The following SAMD12 variants were observed in gnomAD, a reference collection of about 807,000 sequenced individuals.
SAMD12 encodes sterile alpha motif domain containing 12.
In SAMD12, 9 loss-of-function variants were observed where a neutral mutation model predicts 15.0. That is an observed-to-expected ratio of 0.60 (90% CI 0.36 to 1.05). The LOEUF (loss-of-function observed/expected upper bound fraction) is 1.05, where lower values mean the gene tolerates loss of function less well. Ranked by LOEUF, SAMD12 falls within the 50% of genes least tolerant of loss-of-function variation. The probability of loss-of-function intolerance (pLI) is 0.01; values close to 1 mark genes in which losing one functional copy is unlikely to be tolerated. For synonymous variants in SAMD12, 86 were observed against 90.1 expected (o/e 0.96, Z 0.25); for missense variants, 230 against 234.2 (o/e 0.98, Z 0.12).
intron 3 of SAMD12, among the ~76,000 whole-genome samples, chr8:118,418,814 A>G (rs905503518): frequency 1.3e-5 from 2 of 152,196 alleles, no homozygotes; most frequent in African/African-American, 2.4e-5. Flanking sequence ...TTGCCACTAT[A>G]GCATCCAATA....
At chr8:118,319,103 C>T (rs1196945029) in intron 4 of SAMD12, among the ~76,000 whole-genome samples, 1 of 152,128 alleles carries the variant, frequency 6.6e-6, no homozygotes, top group Admixed American at 6.5e-5. Flanking sequence ...TGCTGGAATA[C>T]TATGAGTATA....
chr8:118,497,735 G>T (rs1438758850), intron 2 of SAMD12, among the ~76,000 whole-genome samples: 1 of 103,220 alleles, frequency 9.7e-6, no homozygotes, highest in African/African-American at 4.3e-5. Flanking sequence ...GGGGGGGGTG[G>T]GGGGAAAGAA....
intron 4 of SAMD12, among the ~76,000 whole-genome samples, chr8:118,318,105 G>A (rs1474500889): frequency 2.6e-5 from 4 of 151,772 alleles, no homozygotes; most frequent in Admixed American, 6.6e-5. Flanking sequence ...TGGTGCGAAT[G>A]TAATTTACTA....
At chr8:118,150,088 T>C in the SAMD12 span, among the ~76,000 whole-genome samples, 6 of 152,208 alleles carry the variant, frequency 3.9e-5, no homozygotes, top group African/African-American at 1.4e-4. Flanking sequence ...GAGGTGCTAC[T>C]GCGATATGGT....
At chr8:118,388,145 T>C (rs1406475169) in intron 3 of SAMD12, among the ~76,000 whole-genome samples, 3 of 152,180 alleles carry the variant, frequency 2.0e-5, no homozygotes, top group East Asian at 1.9e-4. Context: ...GGGAACAGCA[T>C]AGGCAAAGAT....
At chr8:118,352,705 C>T (rs1232931771) in intron 4 of SAMD12, among the ~76,000 whole-genome samples, 1 of 152,186 alleles carries the variant, frequency 6.6e-6, no homozygotes, top group African/African-American at 2.4e-5. Context: ...GGCCACTCTC[C>T]AGTACCTCAC....
chr8:118,585,495 C>T (rs1404885352), intron 1 of SAMD12, among the ~76,000 whole-genome samples: 2 of 152,254 alleles, frequency 1.3e-5, no homozygotes, highest in South Asian at 2.1e-4. Flanking sequence ...AACCCCACTC[C>T]CTCTCATTTT....
intron 3 of SAMD12, among the ~76,000 whole-genome samples, chr8:118,410,744 G>T (rs1439464702): frequency 6.6e-6 from 1 of 152,184 alleles, no homozygotes; most frequent in African/African-American, 2.4e-5. Flanking sequence ...AGGTTCAGAA[G>T]AATCACTCAG....
chr8:118,510,377 G>A (rs1252536349), intron 2 of SAMD12, among the ~76,000 whole-genome samples: 1 of 151,978 alleles, frequency 6.6e-6, no homozygotes, highest in African/African-American at 2.4e-5. Context: ...GAAACAAGGA[G>A]GTATTTCATT....
chr8:118,400,212 C>G (rs7828844), intron 3 of SAMD12: 3 of 152,054 alleles, frequency 2.0e-5, no homozygotes, highest in African/African-American at 7.2e-5. Context: ...GTGATAAGTG[C>G]TCGACACGAA....
intron 1 of SAMD12, among the ~76,000 whole-genome samples, chr8:118,616,420 T>C (rs1242255843): frequency 6.6e-6 from 1 of 152,192 alleles, no homozygotes; most frequent in Admixed American, 6.5e-5. Flanking sequence ...ACATTCATAA[T>C]GATGTTCCCA....
intron 2 of SAMD12, among the ~76,000 whole-genome samples, chr8:118,554,174 C>T (rs1377048836): frequency 6.6e-6 from 1 of 152,148 alleles, no homozygotes; most frequent in Non-Finnish European, 1.5e-5. Context: ...CCAGACATCC[C>T]ATTACTGGGT....
intron 2 of SAMD12, among the ~76,000 whole-genome samples, chr8:118,494,745 T>C (rs770568567): frequency 1.3e-5 from 2 of 152,218 alleles, no homozygotes; most frequent in East Asian, 1.9e-4. Context: ...CATCTCCTTA[T>C]CTTTTAATTC....
intron 2 of SAMD12, among the ~76,000 whole-genome samples, chr8:118,548,687 G>A (rs1190624340): frequency 6.6e-6 from 1 of 152,236 alleles, no homozygotes; most frequent in Non-Finnish European, 1.5e-5. Flanking sequence ...AGGTCAGTGG[G>A]TGCAGCGCAC....
chr8:118,349,465 G>A (rs1433299686), intron 4 of SAMD12, among the ~76,000 whole-genome samples: 1 of 152,202 alleles, frequency 6.6e-6, no homozygotes, highest in East Asian at 1.9e-4. Flanking sequence ...TTGGTTTGCT[G>A]TCTCCTTGAG....
intron 4 of SAMD12, among the ~76,000 whole-genome samples, chr8:118,211,190 G>A (rs1447804854): frequency 6.6e-6 from 1 of 152,188 alleles, no homozygotes; most frequent in Non-Finnish European, 1.5e-5. Flanking sequence ...GAAACTTCAC[G>A]TGGGAAGGGA....
chr8:118,398,852 A>T (rs12543387), intron 3 of SAMD12, among the ~76,000 whole-genome samples: 4 of 152,000 alleles, frequency 2.6e-5, no homozygotes, highest in Admixed American at 6.6e-5. Context: ...ATTGTGTATC[A>T]GTTATACTTC....
Position 118,580,791 on chromosome 8 carries a change from T to G in SAMD12, c.116A>C (p.Lys39Thr), listed in dbSNP as rs200682792. The G allele has an allele frequency of 3.7e-5, 60 of 1,613,390 alleles. No homozygotes were observed. In the East Asian group the frequency reaches 1.3e-3, roughly 36 times the overall value. Residue 39 changes from lysine (K) to threonine (T), a missense_variant, in exon 2 of 4, where the codon AAA becomes ACA. By Grantham distance (78) the Lys-to-Thr change is moderately conservative. Transcript: ENST00000314727. ...AGGCACCTTCTGGAAATTTTTATTTTTAATGGATTGAGATTCCACACCTTC... is the reference window on the plus strand; with the variant it reads ...AGGCACCTTCTGGAAATTTTTATTTGTAATGGATTGAGATTCCACACCTTC... Reference protein sequence around the residue: ...EGEGVESQSIKNKNFQKVPDQ... With the variant: ...EGEGVESQSITNKNFQKVPDQ...
intron 4 of SAMD12, among the ~76,000 whole-genome samples, chr8:118,302,083 T>TTTTTTTTG (rs1815071589): frequency 1.7e-5 from 2 of 117,818 alleles, no homozygotes; most frequent in African/African-American, 6.0e-5. Context: ...TGAGAGTTTT[T>TTTTTTTTG]TTTTTTTTTT....
Sources: allele counts gnomAD v4.1 joint callset (sites outside exome capture counted in the v4.1 genomes callset), GRCh38; gene constraint gnomAD v4.1.1; transcripts MANE v1.5; gene names NCBI Gene and HGNC (gene_info 2026-07-23, HGNC 2026-07-21).